Variants in DNM3 observed in about 807,000 individuals in gnomAD.
DNM3 encodes dynamin 3.
A neutral mutation model predicts 101.6 loss-of-function variants in DNM3; 47 were observed. The ratio of observed to expected loss-of-function variants is 0.46; its 90% CI spans 0.37 to 0.59. The LOEUF is 0.59. DNM3 is among the 20% of genes least tolerant of loss of function. DNM3 has a pLI of 0.00. For missense variants in DNM3, 849 were observed against 1,085.7 expected, an observed-to-expected ratio of 0.78 and a Z score of 3.06; for synonymous variants, 385 against 387.9, an observed-to-expected ratio of 0.99 and a Z score of 0.09.
At chr1:171,914,084 A>C (rs1346962447) in intron 1 of DNM3, among the ~76,000 whole-genome samples, 2 of 152,138 alleles carry the variant, frequency 1.3e-5, no homozygotes. Context: ...GCCACTGTGC[A>C]TGGCCAGAAA....
intron 1 of DNM3, among the ~76,000 whole-genome samples, chr1:171,904,660 T>G (rs984517127): frequency 1.3e-5 from 2 of 152,140 alleles, no homozygotes; most frequent in East Asian, 1.9e-4. Flanking sequence ...AAAGATGGCC[T>G]GTTTTTTTTG....
intron 17 of DNM3, chr1:172,378,036 T>A (rs116261252): frequency 2.6e-5 from 4 of 152,200 alleles, no homozygotes; most frequent in African/African-American, 4.8e-5. Context: ...AAGCACTTCG[T>A]GTCTACATGG....
At chr1:172,074,391 G>A (rs767315409) in intron 11 of DNM3, among the ~76,000 whole-genome samples, 10 of 152,002 alleles carry the variant, frequency 6.6e-5, no homozygotes, top group Non-Finnish European at 1.2e-4. Context: ...AGGTATGCAC[G>A]CGCCATGGTG....
At chr1:172,024,749 A>G (rs2048080781) in intron 4 of DNM3, among the ~76,000 whole-genome samples, 1 of 152,230 alleles carries the variant, frequency 6.6e-6, no homozygotes, top group African/African-American at 2.4e-5. Context: ...GACTGTGCCT[A>G]GAGGAAGGGT....
intron 4 of DNM3, among the ~76,000 whole-genome samples, chr1:172,018,650 C>T (rs79559037): frequency 6.6e-6 from 1 of 152,248 alleles, no homozygotes; most frequent in African/African-American, 2.4e-5. Flanking sequence ...TTAATTCTTT[C>T]ATCCTGTTCC....
At chr1:172,063,299 G>T (rs1472506444) in intron 10 of DNM3, among the ~76,000 whole-genome samples, 1 of 151,726 alleles carries the variant, frequency 6.6e-6, no homozygotes, top group Non-Finnish European at 1.5e-5. Flanking sequence ...AGATCTTATG[G>T]TCTGATAAAC....
At chr1:172,392,467 C>T (rs2149089636) in intron 20 of DNM3, among the ~76,000 whole-genome samples, 1 of 152,288 alleles carries the variant, frequency 6.6e-6, no homozygotes, top group East Asian at 1.9e-4. Context: ...CAGACATCAC[C>T]ACCTCTTTAG....
At chr1:172,240,493 A>G (rs888864924) in intron 14 of DNM3, among the ~76,000 whole-genome samples, 1 of 152,190 alleles carries the variant, frequency 6.6e-6, no homozygotes, top group Non-Finnish European at 1.5e-5. Context: ...AGAAGTAAAA[A>G]TCATGCTGCA....
intron 10 of DNM3, among the ~76,000 whole-genome samples, chr1:172,049,192 G>T (rs2050030880): frequency 6.6e-6 from 1 of 152,172 alleles, no homozygotes; most frequent in East Asian, 1.9e-4. Flanking sequence ...GTGTAGTGTA[G>T]TGGATAAGAA....
At chr1:172,207,697 G>T (rs1558726718) in intron 14 of DNM3, among the ~76,000 whole-genome samples, 1 of 152,050 alleles carries the variant, frequency 6.6e-6, no homozygotes, top group Non-Finnish European at 1.5e-5. Flanking sequence ...ATTAATGAAT[G>T]CTTAGATTAT....
rs114670974 is a variant in DNM3 at position 172,148,126 on chromosome 1, T to C, written c.1659+16838T>C. ...AACCTACAGAAACAACTTGTTCCCC[T>C]ACCGAATTCTTATAGTGCTTATATT... On this transcript the variant is annotated intron_variant, in intron 14 of 20. Coordinates refer to ENST00000627582, the MANE Select transcript of DNM3 (RefSeq NM_015569.5). Among the ~76,000 whole-genome samples, 1,340 of 152,222 alleles carry C rather than the reference T, an allele frequency of 8.8e-3. 24 individuals are homozygous for C. Among genetic ancestry groups the C allele is most frequent in the African/African-American group, 0.03 (1,250 of 41,576 alleles).
chr1:172,253,934 T>C (rs897681658), intron 15 of DNM3, among the ~76,000 whole-genome samples: 1 of 152,082 alleles, frequency 6.6e-6, no homozygotes, highest in African/African-American at 2.4e-5. Context: ...TGAAAATAAT[T>C]CTTCATCCAT....
At chr1:172,274,010 T>C (rs975365152) in intron 15 of DNM3, among the ~76,000 whole-genome samples, 18 of 152,052 alleles carry the variant, frequency 1.2e-4, no homozygotes, top group Admixed American at 1.1e-3. Flanking sequence ...CTCTTACTTG[T>C]GAAGAATCAA....
chr1:172,283,892 G>T (rs1277003982), intron 15 of DNM3, among the ~76,000 whole-genome samples: 2 of 151,774 alleles, frequency 1.3e-5, no homozygotes, highest in East Asian at 3.9e-4. Flanking sequence ...GTGCTATGTT[G>T]TCTCCTTCCT....
At chr1:171,908,489 G>A (rs930365607) in intron 1 of DNM3, among the ~76,000 whole-genome samples, 1 of 151,982 alleles carries the variant, frequency 6.6e-6, no homozygotes, top group Non-Finnish European at 1.5e-5. Context: ...CCATCCAGTG[G>A]ATCAGGAGAT....
chr1:172,410,899 T>A lies in DNM3; in HGVS notation c.*3058T>A, dbSNP rs1378874800. On this transcript the variant is annotated 3_prime_UTR_variant, in exon 21 of 21. Coordinates refer to ENST00000627582, the MANE Select transcript of DNM3 (RefSeq NM_015569.5). ...AATGGGACCTAATACCAGTATGTGA[T>A]AAATGTTGATGTTTTCTGTGTACAA... 1 of 985,228 alleles carries A rather than the reference T, an allele frequency of 1.0e-6. No homozygotes were observed. The highest frequency in any genetic ancestry group is 1.2e-6 in the Non-Finnish European group (1 of 829,854). 61.0% of individuals were successfully genotyped at this position (985,228 alleles called of 1,614,324 possible).
intron 15 of DNM3, among the ~76,000 whole-genome samples, chr1:172,280,097 T>C (rs1248942820): frequency 3.9e-5 from 6 of 152,126 alleles, no homozygotes; most frequent in Non-Finnish European, 5.9e-5. Flanking sequence ...GCTTCTTGAA[T>C]ATGTTGAGCT....
rs1335454694 is a variant in DNM3 at position 172,207,637 on chromosome 1, T to C, written c.1660-45936T>C. ...GCTTTTATTTTCTGTATTTTGAAAT[T>C]TGGAAGTTAAGTGAGTTTTCTTGTT... is the stretch of plus-strand genomic sequence containing the variant. On this transcript the variant is annotated intron_variant, in intron 14 of 20. Transcript: ENST00000627582. Among the ~76,000 whole-genome samples, 3 of 152,172 alleles carry C rather than the reference T, an allele frequency of 2.0e-5. No homozygotes were observed. The East Asian group carries it at 5.8e-4, about 29-fold the overall frequency.
intron 11 of DNM3, among the ~76,000 whole-genome samples, chr1:172,074,462 C>T (rs2052468451): frequency 6.6e-6 from 1 of 152,110 alleles, no homozygotes; most frequent in African/African-American, 2.4e-5. Context: ...CTATCCCTCC[C>T]CTAGCCCCCC....
Sources: allele counts gnomAD v4.1 joint callset (sites outside exome capture counted in the v4.1 genomes callset), GRCh38; gene constraint gnomAD v4.1.1; transcripts MANE v1.5; gene names NCBI Gene and HGNC (gene_info 2026-07-23, HGNC 2026-07-21).